The following LOXL2 variants were observed in gnomAD, a reference collection of about 807,000 sequenced individuals.
The protein encoded by LOXL2 is lysyl oxidase homolog 2.
Under a neutral mutation model 93.0 loss-of-function variants are expected in LOXL2, and 70 were observed. That is an observed-to-expected ratio of 0.75 (90% CI 0.62 to 0.92). LOXL2 has a LOEUF of 0.92. Ranked by LOEUF, LOXL2 falls within the 40% of genes least tolerant of loss-of-function variation. LOXL2 has a pLI of 0.00. For missense variants in LOXL2, 973 were observed against 1,054.9 expected (o/e 0.92, Z 1.08); for synonymous variants, 438 against 413.2 (o/e 1.06, Z -0.73).
chr8:23,353,098 A>G (rs1804123799), intron 3 of LOXL2, among the ~76,000 whole-genome samples: 2 of 152,204 alleles, frequency 1.3e-5, no homozygotes, highest in Non-Finnish European at 2.9e-5. Context: ...AACGACACAC[A>G]GCCCAGCCAC....
chr8:23,382,641 AC>A (rs1470513350), intron 1 of LOXL2: 10 of 152,076 alleles, frequency 6.6e-5, no homozygotes, highest in African/African-American at 2.2e-4. Context: ...CCTTTATAGA[AC>A]CACTGAAGTC....
chr8:23,332,524 A>G (rs1803708752), intron 5 of LOXL2, among the ~76,000 whole-genome samples: 1 of 54,218 alleles, frequency 1.8e-5, no homozygotes, highest in Non-Finnish European at 3.3e-5. Context: ...ATCCCTACAC[A>G]CACCCCCACT....
At chr8:23,325,186 T>C (rs1434533345) in intron 6 of LOXL2, among the ~76,000 whole-genome samples, 2 of 152,260 alleles carry the variant, frequency 1.3e-5, no homozygotes, top group East Asian at 1.9e-4. Context: ...GTTGAAATAA[T>C]ATTTTGGATA....
chr8:23,301,304 C>T (rs1803127624), intron 12 of LOXL2, among the ~76,000 whole-genome samples: 2 of 152,168 alleles, frequency 1.3e-5, no homozygotes, highest in South Asian at 2.1e-4. Context: ...CACAATGCCC[C>T]TTTTCTCCCC....
At chr8:23,313,481 G>C (rs9693668) in intron 9 of LOXL2, among the ~76,000 whole-genome samples, 98,915 of 148,316 alleles carry the variant, frequency 0.67, 33,578 homozygotes, top group South Asian at 0.83. Flanking sequence ...AGAGCCCTCA[G>C]AAATAACGCT....
chr8:23,324,321 G>C (rs1803544846), intron 6 of LOXL2, among the ~76,000 whole-genome samples: 1 of 152,194 alleles, frequency 6.6e-6, no homozygotes, highest in African/African-American at 2.4e-5. Context: ...GACATCTGGG[G>C]ACAAGGCTCC....
At chr8:23,398,593 G>C (rs773594457) in intron 1 of LOXL2, among the ~76,000 whole-genome samples, 8 of 152,108 alleles carry the variant, frequency 5.3e-5, no homozygotes, top group Non-Finnish European at 1.0e-4. Flanking sequence ...TTCTGCCACA[G>C]AAAGTGCAAA....
chr8:23,367,623 C>T (rs79691538), intron 2 of LOXL2, among the ~76,000 whole-genome samples: 7,529 of 149,184 alleles, frequency 0.05, 203 homozygotes, highest in Admixed American at 0.085. Context: ...TCTGGGCTGA[C>T]GCAGCCCCCA....
intron 4 of LOXL2, chr8:23,336,714 G>A (rs879563009): frequency 2.6e-5 from 4 of 152,208 alleles, no homozygotes; most frequent in Admixed American, 1.3e-4. Flanking sequence ...CACAGAATGG[G>A]TTTCAGATGG....
intron 1 of LOXL2, among the ~76,000 whole-genome samples, chr8:23,390,957 A>C (rs554257504): frequency 6.6e-6 from 1 of 152,252 alleles, no homozygotes; most frequent in South Asian, 2.1e-4. Context: ...TGAAAGGTGA[A>C]AGGTGAAAGG....
rs368469262 is a variant in LOXL2, at chr8:23,368,362, G to C, written c.-11C>G. On this transcript the variant is annotated 5_prime_UTR_variant, in exon 2 of 14. Coordinates refer to ENST00000389131, the MANE Select transcript of LOXL2 (RefSeq NM_002318.3). ...CAGAGGCCTCTCCATCCCTGTCTTC[G>C]GGCTGATGATCCCACGAAGGGGCCC... The C allele has an allele frequency of 6.8e-6, 11 of 1,607,550 alleles. No individual in the cohort carries two copies. Among genetic ancestry groups the C allele is most frequent in the Non-Finnish European group, 8.5e-6 (10 of 1,178,280 alleles).
chr8:23,341,331 C>T (rs1045985003), intron 3 of LOXL2, 128 bp from the exon 4 acceptor site: 1 of 748,634 alleles, frequency 1.3e-6, no homozygotes, highest in Non-Finnish European at 2.3e-6. Context: ...CCCTCAGGCC[C>T]TGCAGTGAGC....
At chr8:23,317,795 G>A (rs1448639683) in intron 8 of LOXL2, among the ~76,000 whole-genome samples, 1 of 152,060 alleles carries the variant, frequency 6.6e-6, no homozygotes, top group African/African-American at 2.4e-5. Flanking sequence ...AGAGAAAAAT[G>A]AGGAGCAGAA....
In LOXL2 at chr8:23,297,690, C is replaced by T. The variant is rs951611156; in HGVS notation, c.*353G>A. 5.1e-5 allele frequency: 11 copies of T among 215,226 alleles called. No homozygotes were observed. The highest frequency in any genetic ancestry group is 2.3e-4 in the East Asian group (2 of 8,710). The allele number at this position is 215,226 out of a possible 1,614,324, so 13.3% of individuals were successfully genotyped here. A position where few individuals can be genotyped will look rare whatever the true frequency, so the allele number is the denominator to read the frequency against. ...GTCCACGTGTCACTGGAGAAGAGCGCGGCTCCACTGTGTCTGTGGTGAGCT... is the reference window on the plus strand; with the variant it reads ...GTCCACGTGTCACTGGAGAAGAGCGTGGCTCCACTGTGTCTGTGGTGAGCT... On this transcript the variant is annotated 3_prime_UTR_variant, in exon 14 of 14. Coordinates refer to ENST00000389131, the MANE Select transcript of LOXL2 (RefSeq NM_002318.3).
chr8:23,343,857 C>A lies in LOXL2; in HGVS notation c.532-2654G>T, dbSNP rs546737889. On this transcript the variant is annotated intron_variant, in intron 3 of 13. Transcript: ENST00000389131. Reference sequence around the variant, plus strand: ...GGTCTAAACCCAGCCCACAAGCCGGCCCTCTTCTGTCTCTTCCCACCTCGG... The same window carrying A: ...GGTCTAAACCCAGCCCACAAGCCGGACCTCTTCTGTCTCTTCCCACCTCGG... 2.0e-5 allele frequency among the ~76,000 whole-genome samples: 3 copies of A among 152,310 alleles called. No individual in the cohort carries two copies. The East Asian group carries it at 5.8e-4, about 29-fold the overall frequency.
At chr8:23,340,012 A>G (rs1803855188) in intron 4 of LOXL2, among the ~76,000 whole-genome samples, 1 of 152,204 alleles carries the variant, frequency 6.6e-6, no homozygotes, top group South Asian at 2.1e-4. Flanking sequence ...CTGACATGGA[A>G]GCCACATCTT....
chr8:23,375,707 A>G (rs1010510143), intron 1 of LOXL2, among the ~76,000 whole-genome samples: 1 of 149,094 alleles, frequency 6.7e-6, no homozygotes, highest in African/African-American at 2.5e-5. Context: ...TCTTTGAAGC[A>G]ATTGTGAATG....
chr8:23,395,014 G>A (rs1255810455), intron 1 of LOXL2, among the ~76,000 whole-genome samples: 1 of 152,160 alleles, frequency 6.6e-6, no homozygotes, highest in Non-Finnish European at 1.5e-5. Context: ...CCAGCACTTT[G>A]GGAGGCCAAG....
Position 23,346,142 on chromosome 8 carries a change from T to A in LOXL2, c.532-4939A>T, listed in dbSNP as rs1391355000. Among the ~76,000 whole-genome samples, 91 of 112,508 alleles carry A rather than the reference T, an allele frequency of 8.1e-4. No homozygotes were observed. In the East Asian group the frequency reaches 0.01, roughly 13 times the overall value. 73.8% of individuals were successfully genotyped at this position (112,508 alleles called of 152,430 possible). ...TAAAATAAAATAAAATAAAATAAAA[T>A]AAATAAAATAAAATAAAAAATAAAA... On this transcript the variant is annotated intron_variant, in intron 3 of 13. Coordinates refer to ENST00000389131, the MANE Select transcript of LOXL2 (RefSeq NM_002318.3).
Sources: allele counts gnomAD v4.1 joint callset (sites outside exome capture counted in the v4.1 genomes callset), GRCh38; gene constraint gnomAD v4.1.1; transcripts MANE v1.5; gene names NCBI Gene and HGNC (gene_info 2026-07-23, HGNC 2026-07-21).